LATS2: variants seen among roughly 807,000 people sequenced by gnomAD.
LATS2 encodes the protein serine/threonine-protein kinase LATS2.
A neutral mutation model predicts 76.0 loss-of-function variants in LATS2; 24 were observed. The ratio of observed to expected loss-of-function variants is 0.32; its 90% CI spans 0.23 to 0.44. The LOEUF is 0.44. LATS2 is among the 20% of genes least tolerant of loss of function. The probability of loss-of-function intolerance (pLI) is 1.00; values close to 1 mark genes in which losing one functional copy is unlikely to be tolerated. For synonymous variants in LATS2, 692 were observed against 635.4 expected (o/e 1.09, Z -1.34); for missense variants, 1,286 against 1,481.2 (o/e 0.87, Z 2.16).
At position 20,974,596 on chromosome 13, in the gene LATS2, C is replaced by A; in HGVS notation, c.*274G>T. ...TTTAGTAAGAAAAAATGGATATAAA[C>A]AAAATAAGTGCTCTTTCTAAACTGT... is the stretch of plus-strand genomic sequence containing the variant. On this transcript the variant is annotated 3_prime_UTR_variant, in exon 8 of 8. Coordinates refer to ENST00000382592, the MANE Select transcript of LATS2 (RefSeq NM_014572.3). 1 of 359,688 alleles carries A rather than the reference C, an allele frequency of 2.8e-6. No individual in the cohort carries two copies. Among genetic ancestry groups the A allele is most frequent in the East Asian group, 4.4e-5 (1 of 22,592 alleles). The allele number at this position is 359,688 out of a possible 1,614,324, so 22.3% of individuals were successfully genotyped here. A position where few individuals can be genotyped will look rare whatever the true frequency, so the allele number is the denominator to read the frequency against.
At chr13:20,980,066 C>T (rs1869803030) in intron 6 of LATS2, among the ~76,000 whole-genome samples, 1 of 152,110 alleles carries the variant, frequency 6.6e-6, no homozygotes, top group Non-Finnish European at 1.5e-5. Flanking sequence ...TTATTGTTAG[C>T]AAATAGTTAC....
At chr13:21,024,427 C>G (rs540252813) in intron 2 of LATS2, among the ~76,000 whole-genome samples, 1 of 152,136 alleles carries the variant, frequency 6.6e-6, no homozygotes, top group Non-Finnish European at 1.5e-5. Context: ...CAGAGTGAGA[C>G]TCTGAATGAT....
intron 4 of LATS2, among the ~76,000 whole-genome samples, chr13:20,987,169 T>A (rs1425314327): frequency 6.6e-6 from 1 of 152,068 alleles, no homozygotes; most frequent in African/African-American, 2.4e-5. Flanking sequence ...CGCTCCAGCC[T>A]GGGTGACAGA....
chr13:20,988,931 G>A lies in LATS2; in HGVS notation c.849C>T (p.Thr283=), dbSNP rs541177303. ...TCGTGGGCAGGCTGGCGTAACCCCC[G>A]GTCTCCGGCGGCGTCTTGCTCTGGA... ...PSFQSKTPPE[T]GGYASLPTKG... is the part of the protein sequence containing the mutation. The change falls in exon 4 of 8, where the codon ACC becomes ACT. Residue 283 remains threonine, a synonymous_variant. Transcript: ENST00000382592. 8.5e-6 allele frequency: 13 copies of A among 1,524,036 alleles called. No homozygotes were observed. The South Asian group carries it at 1.3e-4, about 16-fold the overall frequency. 94.4% of individuals were successfully genotyped at this position (1,524,036 alleles called of 1,614,324 possible).
chr13:21,049,718 G>C (rs1458186697), intron 1 of LATS2, among the ~76,000 whole-genome samples: 1 of 152,186 alleles, frequency 6.6e-6, no homozygotes, highest in South Asian at 2.1e-4. Flanking sequence ...CCAGGATGCA[G>C]GGATGTCCTC....
chr13:20,988,393 G>A lies in LATS2; in HGVS notation c.1387C>T (p.Pro463Ser), dbSNP rs943948114. ...EPQTAVGPSHPAWVPAPAPAP... is the reference protein window; with the variant it reads ...EPQTAVGPSHSAWVPAPAPAP... ...GGGGCAGGCGCGGGCACCCAGGCGGGGTGCGAGGGCCCCACAGCCGTCTGC... is the reference window on the plus strand; with the variant it reads ...GGGGCAGGCGCGGGCACCCAGGCGGAGTGCGAGGGCCCCACAGCCGTCTGC... The change falls in exon 4 of 8, where the codon CCC becomes TCC. Residue 463 changes from proline (P) to serine (S), a missense_variant. Physicochemically the swap from Pro to Ser is moderately conservative, Grantham distance 74. Coordinates refer to ENST00000382592, the MANE Select transcript of LATS2 (RefSeq NM_014572.3). The A allele has an allele frequency of 2.9e-6, 4 of 1,382,320 alleles. No individual in the cohort carries two copies. The highest frequency in any genetic ancestry group is 3.7e-6 in the Non-Finnish European group (4 of 1,078,554). The allele number at this position is 1,382,320 out of a possible 1,614,324, so 85.6% of individuals were successfully genotyped here. A position where few individuals can be genotyped will look rare whatever the true frequency, so the allele number is the denominator to read the frequency against.
rs990623283 is a variant in LATS2, at chr13:21,061,396, G to C, written c.-255C>G. ...GGGGGCGTCCTGGCCGGCGGCTCCCGGGCCTCTCGCGCCGGGAGACCGGGC... is the reference window on the plus strand; with the variant it reads ...GGGGGCGTCCTGGCCGGCGGCTCCCCGGCCTCTCGCGCCGGGAGACCGGGC... On this transcript the variant is annotated 5_prime_UTR_variant, in exon 1 of 8. Coordinates refer to ENST00000382592, the MANE Select transcript of LATS2 (RefSeq NM_014572.3). 1 of 152,364 alleles carries C rather than the reference G, an allele frequency of 6.6e-6. No individual in the cohort carries two copies. The highest frequency in any genetic ancestry group is 2.4e-5 in the African/African-American group (1 of 41,430). The allele number at this position is 152,364 out of a possible 1,614,324, so 9.4% of individuals were successfully genotyped here. A position where few individuals can be genotyped will look rare whatever the true frequency, so the allele number is the denominator to read the frequency against.
intron 1 of LATS2, among the ~76,000 whole-genome samples, chr13:21,048,101 C>T (rs1316713003): frequency 6.6e-6 from 1 of 152,334 alleles, no homozygotes; most frequent in East Asian, 1.9e-4. Context: ...TAGAGCTCTG[C>T]TTAATTGGTG....
chr13:21,023,874 G>A (rs1282247865), intron 2 of LATS2, among the ~76,000 whole-genome samples: 2 of 151,734 alleles, frequency 1.3e-5, no homozygotes, highest in Non-Finnish European at 2.9e-5. Flanking sequence ...TCAGGAGGCT[G>A]AGGCAGGAGA....
intron 6 of LATS2, 34 bp downstream of exon 6, chr13:20,981,432 C>A (rs1869874647): frequency 1.3e-6 from 2 of 1,589,852 alleles, no homozygotes; most frequent in South Asian, 1.1e-5. Flanking sequence ...GGGAAGGAGA[C>A]CTCCTGCGGG....
intron 3 of LATS2, among the ~76,000 whole-genome samples, chr13:20,990,268 TG>T (rs1323965015): frequency 6.6e-6 from 1 of 151,960 alleles, no homozygotes; most frequent in African/African-American, 2.4e-5. Flanking sequence ...GCCTCAAAAC[TG>T]GAAGAATTCT....
chr13:21,004,488 A>T (rs117735168), intron 2 of LATS2, among the ~76,000 whole-genome samples: 3,660 of 151,862 alleles, frequency 0.024, 59 homozygotes, highest in East Asian at 0.06. Flanking sequence ...TTTTAACAGT[A>T]TACATCCTGT....
At chr13:21,019,588 C>A (rs1427445368) in intron 2 of LATS2, among the ~76,000 whole-genome samples, 1 of 141,634 alleles carries the variant, frequency 7.1e-6, no homozygotes, top group Admixed American at 7.1e-5. Flanking sequence ...GGTGATCTGC[C>A]TGCCTCAGCC....
rs775892552 is a variant in LATS2, at chr13:20,988,039, G to A, written c.1741C>T (p.Arg581Cys). 1 of 1,614,216 alleles carries A rather than the reference G, an allele frequency of 6.2e-7. No homozygotes were observed. Among genetic ancestry groups the A allele is most frequent in the Non-Finnish European group, 8.5e-7 (1 of 1,180,040 alleles). The change falls in exon 4 of 8, where the codon CGC (arginine) becomes TGC (cysteine). Residue 581 changes from arginine (R) to cysteine (C), a missense_variant. Transcript: ENST00000382592. ...TTCTCTTCGTCTCTGCTGTTTTTGCGGACGGGAACGGGAGAGGTCTGAATC... is the reference window on the plus strand; with the variant it reads ...TTCTCTTCGTCTCTGCTGTTTTTGCAGACGGGAACGGGAGAGGTCTGAATC... ...KQIQTSPVPV[R>C]KNSRDEEKRE...
At position 20,975,307 on chromosome 13, in the gene LATS2, C is replaced by T; in HGVS notation, c.2830G>A (p.Ala944Thr). The T allele has an allele frequency of 6.2e-7, 1 of 1,607,108 alleles. No homozygotes were observed. The highest frequency in any genetic ancestry group is 8.5e-7 in the Non-Finnish European group (1 of 1,176,110). ...CACAGCTTGGTGATGAGGTCCCTGG[C>T]CTCAGGGCTCAGCTTCACCTGGGCT... ...IPAQVKLSPE[A>T]RDLITKLCCS... The change falls in exon 8 of 8, where the codon GCC becomes ACC. Residue 944 changes from alanine to threonine, a missense_variant. By Grantham distance (58) the Ala-to-Thr change is moderately conservative. Transcript: ENST00000382592.
At chr13:21,059,533 T>C (rs1254469084) in intron 1 of LATS2, among the ~76,000 whole-genome samples, 1 of 152,132 alleles carries the variant, frequency 6.6e-6, no homozygotes, top group Non-Finnish European at 1.5e-5. Flanking sequence ...GAGGCGAGGT[T>C]GCAGTGAGCC....
intron 2 of LATS2, among the ~76,000 whole-genome samples, chr13:21,043,562 C>T (rs962811155): frequency 2.0e-5 from 3 of 152,078 alleles, no homozygotes; most frequent in African/African-American, 7.2e-5. Context: ...TAAAGTAACA[C>T]CACACACCAA....
intron 1 of LATS2, 71 bp downstream of exon 1, chr13:21,061,275 C>CAG (rs1472622956): frequency 2.6e-5 from 4 of 152,402 alleles, no homozygotes; most frequent in Non-Finnish European, 4.4e-5. Flanking sequence ...AGCCGCAGGG[C>CAG]TCGACCGCTT....
intron 2 of LATS2, among the ~76,000 whole-genome samples, chr13:21,019,887 T>C (rs149412419): frequency 0.01 from 1,546 of 150,906 alleles, 25 homozygotes; most frequent in African/African-American, 0.036. Flanking sequence ...GGAAGGAGAA[T>C]TGCTTGAACC....
Sources: gnomAD v4.1 joint callset for allele counts (sites outside exome capture counted in the v4.1 genomes callset) on GRCh38, gnomAD v4.1.1 for gene constraint, MANE v1.5 for transcripts, NCBI Gene and HGNC (gene_info 2026-07-23, HGNC 2026-07-21) for gene names.